Variants in ANAPC1 observed in about 807,000 individuals in gnomAD.
The protein encoded by ANAPC1 is anaphase-promoting complex subunit 1.
In ANAPC1, 36 loss-of-function variants were observed where a neutral mutation model predicts 208.0. That is an observed-to-expected ratio of 0.17 (90% CI 0.13 to 0.23). ANAPC1 has a LOEUF of 0.23. Among genes scored for constraint, ANAPC1 ranks in the 10% least tolerant of loss-of-function variants. The probability of loss-of-function intolerance (pLI) is 1.00; values close to 1 mark genes in which losing one functional copy is unlikely to be tolerated. For missense variants in ANAPC1, 942 were observed against 2,011.6 expected (o/e 0.47, Z 10.17); for synonymous variants, 378 against 695.2 (o/e 0.54, Z 7.18).
chr2:111,827,844 T>C (rs1271382961), intron 21 of ANAPC1, among the ~76,000 whole-genome samples: 1 of 152,104 alleles, frequency 6.6e-6, no homozygotes, highest in Non-Finnish European at 1.5e-5. Context: ...TGTTGATATT[T>C]TTCAGAATAT....
At chr2:111,883,183 G>A (rs967083262) in intron 1 of ANAPC1, among the ~76,000 whole-genome samples, 154 of 86,580 alleles carry the variant, frequency 1.8e-3, no homozygotes, top group East Asian at 7.2e-3. Context: ...AAAAAAAAAA[G>A]AAAACCCCAC....
chr2:111,844,569 C>CAA (rs11327163), intron 16 of ANAPC1, among the ~76,000 whole-genome samples: 1 of 127,654 alleles, frequency 7.8e-6, no homozygotes, highest in Non-Finnish European at 1.6e-5. Context: ...AACTCTGTCT[C>CAA]AAAAAAAAAA....
intron 1 of ANAPC1, 91 bp from the exon 2 acceptor site, chr2:111,880,940 G>C (rs4132166): frequency 0.64 from 723,013 of 1,137,084 alleles, 232,861 homozygotes; most frequent in South Asian, 0.7. Flanking sequence ...TCCTTACATG[G>C]GTGTCAAGTA....
chr2:111,882,652 G>A (rs71414609), intron 1 of ANAPC1, among the ~76,000 whole-genome samples: 30,407 of 150,034 alleles, frequency 0.2, 3,422 homozygotes, highest in Middle Eastern at 0.33. Context: ...CAAGAGAATC[G>A]CTTCAACCTG....
At chr2:111,869,446 C>T (rs1232021897) in intron 6 of ANAPC1, among the ~76,000 whole-genome samples, 2 of 151,954 alleles carry the variant, frequency 1.3e-5, no homozygotes, top group African/African-American at 4.8e-5. Flanking sequence ...GGTTTCGCCA[C>T]GTTGGGCAGG....
At chr2:111,788,448 G>A in intron 38 of ANAPC1, 128 bp from the exon 39 acceptor site, 1 of 1,256,026 alleles carries the variant, frequency 8.0e-7, no homozygotes. Context: ...CATAATACAA[G>A]AGTGTCAGTG....
At chr2:111,871,479 G>A (rs781040604) in intron 6 of ANAPC1, among the ~76,000 whole-genome samples, 19 of 152,208 alleles carry the variant, frequency 1.2e-4, no homozygotes, top group Admixed American at 3.3e-4. Context: ...GGCCAGGTGC[G>A]GTGGCTCATG....
At position 111,783,327 on chromosome 2, in the gene ANAPC1, T is replaced by C. The variant is rs545911438; in HGVS notation, c.5063+570A>G. On this transcript the variant is annotated intron_variant, in intron 42 of 47. Coordinates refer to ENST00000341068, the MANE Select transcript of ANAPC1 (RefSeq NM_022662.4). ...GACCTGGTTGGGGGTGACTGGATCA[T>C]GGGGGCAGATTTCCCTCATGCTGTT... is the stretch of plus-strand genomic sequence containing the variant. 5.9e-5 allele frequency among the ~76,000 whole-genome samples: 9 copies of C among 152,274 alleles called. No individual in the cohort carries two copies. The South Asian group carries it at 1.5e-3, about 25-fold the overall frequency.
chr2:111,843,647 T>C, intron 16 of ANAPC1, 48 bp from the exon 17 acceptor site: 1 of 1,480,522 alleles, frequency 6.8e-7, no homozygotes, highest in East Asian at 2.4e-5. Flanking sequence ...TGCATGCATT[T>C]CTTTTCCCCT....
At chr2:111,808,205 T>A (rs1558681402) in intron 29 of ANAPC1, among the ~76,000 whole-genome samples, 1 of 151,946 alleles carries the variant, frequency 6.6e-6, no homozygotes, top group Non-Finnish European at 1.5e-5. Context: ...AGCATCACTG[T>A]GGCAATAGCT....
intron 6 of ANAPC1, 22 bp downstream of exon 6, chr2:111,872,608 C>G (rs1682813637): frequency 6.4e-7 from 1 of 1,563,864 alleles, no homozygotes; most frequent in Admixed American, 1.7e-5. Flanking sequence ...CAGTAATATT[C>G]TGAAGTGAAT....
chr2:111,782,838 T>A (rs1677359303), intron 42 of ANAPC1, among the ~76,000 whole-genome samples: 1 of 152,180 alleles, frequency 6.6e-6, no homozygotes, highest in South Asian at 2.1e-4. Flanking sequence ...GTACATGAGG[T>A]ACTAAATATC....
intron 43 of ANAPC1, among the ~76,000 whole-genome samples, chr2:111,781,575 G>C (rs1677276408): frequency 6.6e-6 from 1 of 152,276 alleles, no homozygotes; most frequent in African/African-American, 2.4e-5. Context: ...CAGTCCTCTG[G>C]CTGCCACTCA....
At chr2:111,784,061 C>T in intron 41 of ANAPC1, 97 bp from the exon 42 acceptor site, 1 of 891,108 alleles carries the variant, frequency 1.1e-6, no homozygotes, top group East Asian at 2.6e-5. Flanking sequence ...CAATAACAGC[C>T]AGAAACAGGC....
At chr2:111,824,115 T>G (rs1183289899) in intron 24 of ANAPC1, among the ~76,000 whole-genome samples, 2 of 150,852 alleles carry the variant, frequency 1.3e-5, no homozygotes, top group Admixed American at 1.3e-4. Context: ...TGTTTCCTTA[T>G]ATGAGAATAA....
At chr2:111,798,816 C>T (rs1274955661) in intron 34 of ANAPC1, among the ~76,000 whole-genome samples, 1 of 152,372 alleles carries the variant, frequency 6.6e-6, no homozygotes, top group South Asian at 2.1e-4. Context: ...GGGCAGATCA[C>T]GAGGTCAGGA....
chr2:111,834,228 A>C (rs1443832325), intron 19 of ANAPC1, among the ~76,000 whole-genome samples: 1 of 152,212 alleles, frequency 6.6e-6, no homozygotes, highest in Non-Finnish European at 1.5e-5. Context: ...CTTTACATGT[A>C]AACTATGATT....
chr2:111,835,611 G>T (rs1228816274), intron 18 of ANAPC1, among the ~76,000 whole-genome samples: 1 of 152,128 alleles, frequency 6.6e-6, no homozygotes, highest in African/African-American at 2.4e-5. Flanking sequence ...GGCCGAGGCG[G>T]GTGGATCACA....
intron 35 of ANAPC1, 111 bp downstream of exon 35, chr2:111,794,707 G>A (rs1462536852): frequency 1.5e-6 from 2 of 1,362,906 alleles, no homozygotes; most frequent in Non-Finnish European, 1.0e-6. Context: ...TTAGAAATAT[G>A]TGGGATTCAT....
Sources: gnomAD v4.1 joint callset for allele counts (sites outside exome capture counted in the v4.1 genomes callset) on GRCh38, gnomAD v4.1.1 for gene constraint, MANE v1.5 for transcripts, NCBI Gene and HGNC (gene_info 2026-07-23, HGNC 2026-07-21) for gene names.